Variants in SLC35F2 observed in about 807,000 individuals in gnomAD.
The protein encoded by SLC35F2 is solute carrier family 35 member F2.
In SLC35F2, 25 loss-of-function variants were observed where a neutral mutation model predicts 38.1. The observed-to-expected ratio is 0.66, with a 90% confidence interval of 0.48 to 0.92. The LOEUF is 0.92. Among genes scored for constraint, SLC35F2 ranks in the 40% least tolerant of loss-of-function variants. SLC35F2 has a pLI of 0.00. For synonymous variants in SLC35F2, 173 were observed against 181.7 expected (o/e 0.95, Z 0.38); for missense variants, 409 against 452.9 (o/e 0.90, Z 0.88).
At chr11:107,807,271 C>CAAAAAAAAAAAAAAAAAAAAAA (rs201964530) in intron 3 of SLC35F2, among the ~76,000 whole-genome samples, 5 of 70,886 alleles carry the variant, frequency 7.1e-5, no homozygotes, top group African/African-American at 1.1e-4. Flanking sequence ...CCTGTCTGTA[C>CAAAAAAAAAAAAAAAAAAAAAA]AAAAAAAAAA....
intron 1 of SLC35F2, among the ~76,000 whole-genome samples, chr11:107,816,447 ATTTTTTT>A (rs5794572): frequency 8.5e-6 from 1 of 118,314 alleles, no homozygotes; most frequent in Non-Finnish European, 1.7e-5. Flanking sequence ...TGCCCAGCTA[ATTTTTTT>A]TTTTTTTTTT....
rs1176747851 is a variant in SLC35F2, at chr11:107,858,744, G to A, written c.24C>T (p.Gly8=). The A allele has an allele frequency of 1.6e-6, 2 of 1,276,900 alleles. No homozygotes were observed. Among genetic ancestry groups the A allele is most frequent in the Non-Finnish European group, 2.0e-6 (2 of 1,003,752 alleles). 79.1% of individuals were successfully genotyped at this position (1,276,900 alleles called of 1,614,324 possible). A position where few individuals can be genotyped will look rare whatever the true frequency, so the allele number is the denominator to read the frequency against. Residue 8 remains glycine (G), a synonymous_variant, in exon 1 of 8, where the codon GGC becomes GGT. Coordinates refer to ENST00000525815, the MANE Select transcript of SLC35F2 (RefSeq NM_017515.5). ...CCGCGAGGGGCTCTGGGGCGCCGGG[G>A]CCCGCTGGCGAGTCTGCCTCCATCG... is the stretch of plus-strand genomic sequence containing the variant. MEADSPA[G]PGAPEPLAEG...
At chr11:107,856,799 AAGGG>A (rs1485738202) in intron 1 of SLC35F2, among the ~76,000 whole-genome samples, 4 of 137,802 alleles carry the variant, frequency 2.9e-5, no homozygotes, top group African/African-American at 5.3e-5. Flanking sequence ...CTTGTCCAAG[AAGGG>A]AGGGAGGGAG....
chr11:107,811,595 G>T, intron 3 of SLC35F2, 72 bp downstream of exon 3: 1 of 1,386,286 alleles, frequency 7.2e-7, no homozygotes, highest in Non-Finnish European at 9.8e-7. Context: ...ATAAAATTAG[G>T]TCAACACATA....
rs767622537 is a variant in SLC35F2 at position 107,792,161 on chromosome 11, C to CGAAAAAAAAAAAAAAAAA, written c.*453_*454insTTTTTTTTTTTTTTTTTC. The CGAAAAAAAAAAAAAAAAA allele has an allele frequency of 2.6e-5, 2 of 78,104 alleles. No homozygotes were observed. The highest frequency in any genetic ancestry group is 2.4e-5 in the Non-Finnish European group (1 of 40,902). 4.8% of individuals were successfully genotyped at this position (78,104 alleles called of 1,614,324 possible). The stretch of plus-strand genomic sequence containing the variant: ...GGCCTGTGGACAATAACTGCCTCAG[C>CGAAAAAAAAAAAAAAAAA]AAAAAAAAAAAAAAAAAAAAACCTT... On this transcript the variant is annotated 3_prime_UTR_variant, in exon 8 of 8. Coordinates refer to ENST00000525815, the MANE Select transcript of SLC35F2 (RefSeq NM_017515.5).
At position 107,804,789 on chromosome 11, in the gene SLC35F2, G is replaced by A; in HGVS notation, c.732-19C>T. 6.3e-7 allele frequency: 1 copy of A among 1,589,806 alleles called. No homozygotes were observed. Among genetic ancestry groups the A allele is most frequent in the Non-Finnish European group, 8.6e-7 (1 of 1,166,586 alleles). On this transcript the variant is annotated intron_variant, in intron 5 of 7. Transcript: ENST00000525815. Reference sequence around the variant, plus strand: ...AATCAATCTAAGATTAAAACAAGAGGTCACAGAGAGGTCCACATACTAATT... The same window carrying A: ...AATCAATCTAAGATTAAAACAAGAGATCACAGAGAGGTCCACATACTAATT...
intron 7 of SLC35F2, among the ~76,000 whole-genome samples, chr11:107,802,504 G>T (rs1859325350): frequency 6.6e-6 from 1 of 152,234 alleles, no homozygotes; most frequent in East Asian, 1.9e-4. Flanking sequence ...AAAACCACTG[G>T]ACTGAATTAC....
intron 6 of SLC35F2, 168 bp from the exon 7 acceptor site, chr11:107,803,323 A>G: frequency 1.0e-6 from 1 of 984,296 alleles, no homozygotes; most frequent in East Asian, 1.1e-4. Context: ...CTCTCGAAAA[A>G]AGAATATAAA....
intron 1 of SLC35F2, among the ~76,000 whole-genome samples, chr11:107,836,274 A>G (rs1214897069): frequency 6.6e-6 from 1 of 151,852 alleles, no homozygotes; most frequent in Non-Finnish European, 1.5e-5. Flanking sequence ...AGAAAGCTGT[A>G]GAACTATTGC....
chr11:107,842,607 C>A (rs1860029755), intron 1 of SLC35F2, among the ~76,000 whole-genome samples: 1 of 152,174 alleles, frequency 6.6e-6, no homozygotes, highest in Non-Finnish European at 1.5e-5. Context: ...GCAACCTCCA[C>A]CTCTTGGGCT....
At chr11:107,806,957 GTATT>G (rs1422204203) in intron 3 of SLC35F2, 81 bp from the exon 4 acceptor site, 10 of 1,290,116 alleles carry the variant, frequency 7.8e-6, no homozygotes, top group Non-Finnish European at 1.1e-5. Context: ...ATAGGAGTCA[GTATT>G]TATAATAGGA....
intron 6 of SLC35F2, chr11:107,803,357 G>C (rs1859343837): frequency 1.0e-6 from 1 of 985,274 alleles, no homozygotes; most frequent in Middle Eastern, 5.2e-4. Flanking sequence ...TGTAGATAAA[G>C]GACCTCAAAA....
At chr11:107,811,286 A>AGCTTAAGT in intron 3 of SLC35F2, 1 of 980,774 alleles carries the variant, frequency 1.0e-6, no homozygotes, top group Non-Finnish European at 1.2e-6. Context: ...TTTCTTTGTC[A>AGCTTAAGT]TGAATATCTA....
At chr11:107,794,859 T>C (rs1265956766) in intron 7 of SLC35F2, among the ~76,000 whole-genome samples, 1 of 152,178 alleles carries the variant, frequency 6.6e-6, no homozygotes, top group Admixed American at 6.5e-5. Context: ...GGTAAAGTTG[T>C]AGGATACAAA....
chr11:107,834,057 ATTGT>A (rs1023918363), intron 1 of SLC35F2, among the ~76,000 whole-genome samples: 2 of 152,164 alleles, frequency 1.3e-5, no homozygotes, highest in African/African-American at 2.4e-5. Context: ...AACTTCATAC[ATTGT>A]TTGTTTCAGT....
intron 1 of SLC35F2, among the ~76,000 whole-genome samples, chr11:107,843,216 T>G (rs990346902): frequency 1.3e-5 from 2 of 152,140 alleles, no homozygotes; most frequent in Non-Finnish European, 1.5e-5. Context: ...TCTAGGTACA[T>G]GTAAATTCTA....
rs1399334974 is a variant in SLC35F2 at position 107,858,754 on chromosome 11, G to A, written c.14C>T (p.Ser5Leu). MEADSPAGPGAPEPL... is the reference protein window; with the variant it reads MEADLPAGPGAPEPL... Reference sequence around the variant, plus strand: ...CTCTGGGGCGCCGGGGCCCGCTGGCGAGTCTGCCTCCATCGGCGCCCTTGC... The same window carrying A: ...CTCTGGGGCGCCGGGGCCCGCTGGCAAGTCTGCCTCCATCGGCGCCCTTGC... The change falls in exon 1 of 8, where the codon TCG becomes TTG. Residue 5 changes from serine to leucine, a missense_variant. Ser to Leu is a moderately radical substitution (Grantham distance 145, BLOSUM62 -2). Coordinates refer to ENST00000525815, the MANE Select transcript of SLC35F2 (RefSeq NM_017515.5). 8 of 1,270,888 alleles carry A rather than the reference G, an allele frequency of 6.3e-6. No homozygotes were observed. Among genetic ancestry groups the A allele is most frequent in the Non-Finnish European group, 8.0e-6 (8 of 1,000,384 alleles). The allele number at this position is 1,270,888 out of a possible 1,614,324, so 78.7% of individuals were successfully genotyped here. A position where few individuals can be genotyped will look rare whatever the true frequency, so the allele number is the denominator to read the frequency against.
At chr11:107,815,500 G>A (rs1401013756) in intron 2 of SLC35F2, among the ~76,000 whole-genome samples, 1 of 151,734 alleles carries the variant, frequency 6.6e-6, no homozygotes, top group East Asian at 1.9e-4. Flanking sequence ...CAAGGCTGCA[G>A]TGAGTCGAGA....
At chr11:107,810,460 G>C in intron 3 of SLC35F2, 1 of 983,596 alleles carries the variant, frequency 1.0e-6, no homozygotes, top group Non-Finnish European at 1.2e-6. Context: ...GAGATTATGA[G>C]AGTAGATGTG....
Sources: allele counts gnomAD v4.1 joint callset (sites outside exome capture counted in the v4.1 genomes callset), GRCh38; gene constraint gnomAD v4.1.1; transcripts MANE v1.5; gene names NCBI Gene and HGNC (gene_info 2026-07-23, HGNC 2026-07-21).